VIT: variants seen among roughly 807,000 people sequenced by gnomAD.
The protein encoded by VIT is vitrin.
VIT carries 99 observed loss-of-function variants against 78.0 expected under a neutral mutation model. That is an observed-to-expected ratio of 1.27 (90% CI 1.08 to 1.50). VIT has a LOEUF of 1.50. Ranked by LOEUF, VIT falls within the 40% of genes most tolerant of loss-of-function variation. VIT has a pLI of 0.00. For missense variants in VIT, 1,126 were observed against 875.3 expected, an observed-to-expected ratio of 1.29 and a Z score of -3.61; for synonymous variants, 374 against 334.3, an observed-to-expected ratio of 1.12 and a Z score of -1.29.
chr2:36,810,239 C>T (rs982471355), intron 15 of VIT, among the ~76,000 whole-genome samples: 1 of 152,266 alleles, frequency 6.6e-6, no homozygotes, highest in African/African-American at 2.4e-5. Context: ...TGCTGGTGAG[C>T]CGAGATCGTG....
chr2:36,708,370 G>T (rs1233518004), intron 1 of VIT, among the ~76,000 whole-genome samples: 2 of 152,150 alleles, frequency 1.3e-5, no homozygotes, highest in Non-Finnish European at 1.5e-5. Context: ...GAGTATGGTT[G>T]GGTGCTCCCC....
At chr2:36,794,210 A>G (rs1401251973) in intron 12 of VIT, among the ~76,000 whole-genome samples, 2 of 152,186 alleles carry the variant, frequency 1.3e-5, no homozygotes, top group Non-Finnish European at 2.9e-5. Flanking sequence ...GCTCCCTGTC[A>G]TTCCTCTTCA....
At chr2:36,794,168 A>C (rs540998515) in intron 12 of VIT, among the ~76,000 whole-genome samples, 4 of 152,150 alleles carry the variant, frequency 2.6e-5, no homozygotes, top group African/African-American at 9.7e-5. Flanking sequence ...CTGTTACACA[A>C]ATTCCTTCTT....
At chr2:36,701,470 AAGACT>A (rs1665052837) in intron 1 of VIT, among the ~76,000 whole-genome samples, 1 of 152,228 alleles carries the variant, frequency 6.6e-6, no homozygotes, top group African/African-American at 2.4e-5. Context: ...CTACATTGAC[AAGACT>A]CTAGTAAACA....
At chr2:36,749,158 T>C (rs1156900846) in intron 4 of VIT, among the ~76,000 whole-genome samples, 2 of 152,206 alleles carry the variant, frequency 1.3e-5, no homozygotes, top group Non-Finnish European at 2.9e-5. Context: ...TTCTTGATGA[T>C]ATAAACTCAT....
intron 15 of VIT, 109 bp downstream of exon 15, chr2:36,809,094 C>G (rs1666965489): frequency 7.0e-7 from 1 of 1,418,966 alleles, no homozygotes. Flanking sequence ...TTTTCTGCGA[C>G]TTAATAAAAA....
intron 4 of VIT, among the ~76,000 whole-genome samples, chr2:36,752,379 C>G (rs1444969461): frequency 2.6e-5 from 4 of 152,138 alleles, no homozygotes; most frequent in African/African-American, 9.7e-5. Context: ...AGTGAACTAT[C>G]CCTTCTCTCT....
intron 12 of VIT, among the ~76,000 whole-genome samples, chr2:36,800,122 G>A (rs1403397919): frequency 6.6e-6 from 1 of 151,936 alleles, no homozygotes; most frequent in African/African-American, 2.4e-5. Flanking sequence ...CAAGGCAGGT[G>A]GATCACGAAG....
chr2:36,760,109 C>T (rs529757887), intron 6 of VIT, among the ~76,000 whole-genome samples: 1 of 152,056 alleles, frequency 6.6e-6, no homozygotes, highest in African/African-American at 2.4e-5. Flanking sequence ...ATTCTCCTGC[C>T]TCAGCCTCCC....
chr2:36,790,638 A>T (rs1665424458), intron 12 of VIT, among the ~76,000 whole-genome samples: 2 of 152,290 alleles, frequency 1.3e-5, no homozygotes, highest in African/African-American at 4.8e-5. Flanking sequence ...ACACAGCTAA[A>T]TGCATGACTG....
chr2:36,799,013 A>T (rs930428573), intron 12 of VIT, among the ~76,000 whole-genome samples: 6 of 152,090 alleles, frequency 3.9e-5, no homozygotes, highest in African/African-American at 1.4e-4. Context: ...CCAACCATAG[A>T]ACCTGGTTTT....
chr2:36,738,138 T>C (rs1210739824), intron 3 of VIT, among the ~76,000 whole-genome samples: 1 of 152,218 alleles, frequency 6.6e-6, no homozygotes, highest in Non-Finnish European at 1.5e-5. Flanking sequence ...AACCTATTTG[T>C]AAGATATATA....
intron 2 of VIT, among the ~76,000 whole-genome samples, chr2:36,717,952 G>A (rs1218068917): frequency 6.6e-6 from 1 of 152,182 alleles, no homozygotes; most frequent in Non-Finnish European, 1.5e-5. Flanking sequence ...GCTTCTGGCT[G>A]TTTGCTGGCA....
chr2:36,744,540 A>C (rs1435584075), intron 4 of VIT, among the ~76,000 whole-genome samples: 4 of 152,090 alleles, frequency 2.6e-5, no homozygotes, highest in Non-Finnish European at 4.4e-5. Flanking sequence ...ATGGTATCTC[A>C]TTGTGGTTTT....
rs547789589 is a variant in VIT, at chr2:36,724,823, A to T, written c.53-4603A>T. Among the ~76,000 whole-genome samples, 11 of 152,374 alleles carry T rather than the reference A, an allele frequency of 7.2e-5. No homozygotes were observed. In the South Asian group the frequency reaches 2.3e-3, roughly 32 times the overall value. ...CCAGGACTTATAAGCCACTTGCCTC[A>T]GGCACAGAGGCCAAGAACAGTTTTT... is the stretch of plus-strand genomic sequence containing the variant. On this transcript the variant is annotated intron_variant, in intron 2 of 15. Transcript: ENST00000379242.
intron 3 of VIT, among the ~76,000 whole-genome samples, chr2:36,732,550 C>T (rs1015697): frequency 0.018 from 2,796 of 151,610 alleles, 109 homozygotes; most frequent in African/African-American, 0.065. Context: ...TTTTTCTATT[C>T]AACACTGTCA....
chr2:36,711,225 T>C (rs7593468), intron 1 of VIT, among the ~76,000 whole-genome samples: 18,226 of 152,224 alleles, frequency 0.12, 1,592 homozygotes, highest in East Asian at 0.25. Flanking sequence ...TGGTCTTTAT[T>C]TTCCCTGCTT....
intron 12 of VIT, among the ~76,000 whole-genome samples, chr2:36,790,920 G>GA (rs1665452006): frequency 6.6e-6 from 1 of 151,272 alleles, no homozygotes; most frequent in Non-Finnish European, 1.5e-5. Flanking sequence ...GAACAGCCAG[G>GA]CAAGCCATTA....
In VIT at chr2:36,809,407, T is replaced by TA. The variant is rs147867158; in HGVS notation, c.1903+424dup. ...TACTTAGACCACCAACTTGTGTTAG[T>TA]AACTTTTATTTATTTATTTATTTAT... On this transcript the variant is annotated intron_variant, in intron 15 of 15. Transcript: ENST00000379242. Among the ~76,000 whole-genome samples, 223 of 152,300 alleles carry TA rather than the reference T, an allele frequency of 1.5e-3. 1 individual carries two copies. Among genetic ancestry groups the TA allele is most frequent in the African/African-American group, 5.1e-3 (211 of 41,562 alleles).
Sources: gnomAD v4.1 joint callset for allele counts (sites outside exome capture counted in the v4.1 genomes callset) on GRCh38, gnomAD v4.1.1 for gene constraint, MANE v1.5 for transcripts, NCBI Gene and HGNC (gene_info 2026-07-23, HGNC 2026-07-21) for gene names.